The following INSR variants were observed in gnomAD, a reference collection of about 807,000 sequenced individuals.
INSR encodes the protein IR.
INSR carries 67 observed loss-of-function variants against 142.6 expected under a neutral mutation model. The ratio of observed to expected loss-of-function variants is 0.47; its 90% confidence interval spans 0.39 to 0.58. INSR has a LOEUF of 0.58. INSR is among the 20% of genes least tolerant of loss of function. The pLI is 0.00. For synonymous variants in INSR, 756 were observed against 743.1 expected (o/e 1.02, Z -0.28); for missense variants, 1,248 against 1,833.2 (o/e 0.68, Z 5.83).
At chr19:7,245,147 A>C (rs1421006110) in intron 2 of INSR, among the ~76,000 whole-genome samples, 1 of 151,806 alleles carries the variant, frequency 6.6e-6, no homozygotes, top group African/African-American at 2.4e-5. Flanking sequence ...CGTGTTAGCC[A>C]GGATGGTCTC....
chr19:7,278,097 AAAATTAAAAAAT>A (rs919712064), intron 1 of INSR, among the ~76,000 whole-genome samples: 1 of 152,178 alleles, frequency 6.6e-6, no homozygotes, highest in African/African-American at 2.4e-5. Context: ...CGGTCTCAAA[AAAATTAAAAAAT>A]AAATTAAAAA....
chr19:7,122,458 G>GACAAA, intron 19 of INSR, 156 bp downstream of exon 19: 1 of 821,958 alleles, frequency 1.2e-6, no homozygotes, highest in South Asian at 1.6e-5. Context: ...AAAACAAAAA[G>GACAAA]ACAAAACAAA....
intron 2 of INSR, among the ~76,000 whole-genome samples, chr19:7,195,005 T>C (rs1974706944): frequency 6.6e-6 from 1 of 152,006 alleles, no homozygotes; most frequent in African/African-American, 2.4e-5. Flanking sequence ...AGGTTTAGCA[T>C]TGTCCTCAGC....
At chr19:7,140,090 C>G (rs906665476) in intron 13 of INSR, among the ~76,000 whole-genome samples, 2 of 152,150 alleles carry the variant, frequency 1.3e-5, no homozygotes, top group African/African-American at 4.8e-5. Flanking sequence ...TTACAATGCT[C>G]TGCAAGCCAG....
Position 7,292,837 on chromosome 19 carries a change from A to G in INSR, c.100+955T>C, listed in dbSNP as rs1968532237. Reference sequence around the variant, plus strand: ...GAGAGGGGCCCATGGGGTCAGGGGGAACGAAAGGCTCACTCAAGGTCAAAG... The same window carrying G: ...GAGAGGGGCCCATGGGGTCAGGGGGGACGAAAGGCTCACTCAAGGTCAAAG... On this transcript the variant is annotated intron_variant, in intron 1 of 21. Transcript: ENST00000302850. Among the ~76,000 whole-genome samples the G allele has an allele frequency of 2.6e-5, 4 of 152,116 alleles. No individual in the cohort carries two copies. The South Asian group carries it at 8.3e-4, about 32-fold the overall frequency.
chr19:7,134,442 C>G (rs528726349), intron 13 of INSR, among the ~76,000 whole-genome samples: 2 of 98,432 alleles, frequency 2.0e-5, no homozygotes, highest in South Asian at 3.2e-4. Flanking sequence ...CACGGTGCTG[C>G]CTTTCGATTT....
At chr19:7,283,612 G>T (rs1161993126) in intron 1 of INSR, among the ~76,000 whole-genome samples, 1 of 152,144 alleles carries the variant, frequency 6.6e-6, no homozygotes, top group African/African-American at 2.4e-5. Context: ...GCTAATTTTT[G>T]TATTTTTAGT....
intron 15 of INSR, 71 bp from the exon 16 acceptor site, chr19:7,126,722 G>T: frequency 7.2e-7 from 1 of 1,386,712 alleles, no homozygotes; most frequent in South Asian, 1.2e-5. Flanking sequence ...TTTCATACAA[G>T]ACTCCCCAAG....
At chr19:7,260,304 A>ACCCAGCATG (rs1345743689) in intron 2 of INSR, among the ~76,000 whole-genome samples, 1 of 151,908 alleles carries the variant, frequency 6.6e-6, no homozygotes, top group Non-Finnish European at 1.5e-5. Context: ...TTCCCCTGGC[A>ACCCAGCATG]CCCAGCATGT....
At chr19:7,224,556 C>G (rs1975720931) in intron 2 of INSR, among the ~76,000 whole-genome samples, 2 of 152,214 alleles carry the variant, frequency 1.3e-5, no homozygotes, top group South Asian at 4.1e-4. Flanking sequence ...GACGGCCCCA[C>G]TCCAGGTGAC....
chr19:7,190,179 T>C (rs1444609161), intron 2 of INSR, among the ~76,000 whole-genome samples: 1 of 151,318 alleles, frequency 6.6e-6, no homozygotes, highest in Non-Finnish European at 1.5e-5. Context: ...AGATCCTATC[T>C]CTCCTTGCCG....
At chr19:7,185,228 T>A (rs559127058) in intron 2 of INSR, among the ~76,000 whole-genome samples, 1 of 152,186 alleles carries the variant, frequency 6.6e-6, no homozygotes, top group Non-Finnish European at 1.5e-5. Context: ...GTTTATGTAA[T>A]TTTTATGAAT....
intron 9 of INSR, among the ~76,000 whole-genome samples, chr19:7,157,081 C>T (rs1270918542): frequency 2.0e-5 from 3 of 152,074 alleles, no homozygotes; most frequent in East Asian, 1.9e-4. Flanking sequence ...CCCGGGTTCA[C>T]GCCATTCTCC....
chr19:7,257,701 GGAAA>G (rs1032409253), intron 2 of INSR, among the ~76,000 whole-genome samples: 13 of 151,542 alleles, frequency 8.6e-5, no homozygotes, highest in African/African-American at 3.2e-4. Flanking sequence ...AGAAAGAAAA[GGAAA>G]GAAAGGAAGG....
intron 2 of INSR, among the ~76,000 whole-genome samples, chr19:7,257,826 T>C (rs1444976146): frequency 6.6e-6 from 1 of 152,142 alleles, no homozygotes; most frequent in African/African-American, 2.4e-5. Flanking sequence ...GAATGCTGAA[T>C]GTCCAGCTCA....
chr19:7,229,260 T>C (rs1287677354), intron 2 of INSR, among the ~76,000 whole-genome samples: 4 of 132,442 alleles, frequency 3.0e-5, no homozygotes, highest in Non-Finnish European at 6.5e-5. Context: ...AATGGATAGA[T>C]GGATGGATGG....
rs1852539214 is a variant in INSR, at chr19:7,267,619, A to G, written c.378T>C (p.Val126=). 2 of 1,613,844 alleles carry G rather than the reference A, an allele frequency of 1.2e-6. No homozygotes were observed. Among genetic ancestry groups the G allele is most frequent in the Non-Finnish European group, 1.7e-6 (2 of 1,179,916 alleles). The change falls in exon 2 of 22, where the codon GTT becomes GTC. Residue 126 remains valine (V), a synonymous_variant. Coordinates refer to ENST00000302850, the MANE Select transcript of INSR (RefSeq NM_000208.4). The surrounding 1 kb of genome is among the most constrained non-coding windows in gnomAD (Gnocchi z 6.3). ...TGTAGAGGCCGAGTTCCTTGAGGTG[A>G]ACCATCTCGAAGATGACCAGCGCGT... The part of the protein sequence containing the change: ...FNYALVIFEM[V]HLKELGLYNL...
intron 2 of INSR, among the ~76,000 whole-genome samples, chr19:7,228,659 G>A (rs1975858947): frequency 6.6e-6 from 1 of 152,168 alleles, no homozygotes; most frequent in Admixed American, 6.5e-5. Context: ...AAAATTGAAG[G>A]GAATCAATTG....
At chr19:7,270,170 G>A (rs1967869522) in intron 1 of INSR, among the ~76,000 whole-genome samples, 1 of 151,970 alleles carries the variant, frequency 6.6e-6, no homozygotes, top group Admixed American at 6.6e-5. Context: ...GGATGATCCT[G>A]ATCTCCTGAC....
Sources: gnomAD v4.1 joint callset for allele counts (sites outside exome capture counted in the v4.1 genomes callset) on GRCh38, gnomAD v4.1.1 for gene constraint, Gnocchi (gnomAD v3.1) non-coding constraint, MANE v1.5 for transcripts, NCBI Gene and HGNC (gene_info 2026-07-23, HGNC 2026-07-21) for gene names.